TET2: variants seen among roughly 807,000 people sequenced by gnomAD.
TET2 encodes methylcytosine dioxygenase TET2.
Under a neutral mutation model 142.9 loss-of-function variants are expected in TET2, and 299 were observed. The observed-to-expected ratio is 2.09, with a 90% CI of 1.90 to 2.30. The LOEUF (loss-of-function observed/expected upper bound fraction) is 2.30. TET2 is among the 30% of genes most tolerant of loss of function. The probability of loss-of-function intolerance (pLI) is 0.00; values close to 1 mark genes in which losing one functional copy is unlikely to be tolerated. For missense variants in TET2, 2,418 were observed against 2,378.0 expected (o/e 1.02, Z -0.35); for synonymous variants, 819 against 849.0 (o/e 0.96, Z 0.61).
chr4:105,228,632 T>C (rs549543770), intron 2 of TET2, among the ~76,000 whole-genome samples: 1 of 152,250 alleles, frequency 6.6e-6, no homozygotes, highest in Non-Finnish European at 1.5e-5. Flanking sequence ...ATATAATTTA[T>C]CATAAATGTA....
At chr4:105,220,990 A>T (rs1271461902) in intron 2 of TET2, among the ~76,000 whole-genome samples, 1 of 152,200 alleles carries the variant, frequency 6.6e-6, no homozygotes, top group African/African-American at 2.4e-5. Flanking sequence ...ATATAAATGT[A>T]TCCTAGACAG....
intron 2 of TET2, among the ~76,000 whole-genome samples, chr4:105,221,487 A>G (rs1021805781): frequency 7.9e-5 from 12 of 152,154 alleles, no homozygotes; most frequent in Non-Finnish European, 1.3e-4. Context: ...ATTTTAAGAA[A>G]CAGATTTTAA....
intron 5 of TET2, 141 bp downstream of exon 5, chr4:105,243,068 T>A: frequency 1.4e-6 from 1 of 719,544 alleles, no homozygotes; most frequent in South Asian, 1.7e-5. Flanking sequence ...TCATGTGTTA[T>A]CTCTTAAGAA....
At position 105,272,909 on chromosome 4, in the gene TET2, C is replaced by T. The variant is rs923569270; in HGVS notation, c.4528C>T (p.Gln1510Ter). The T allele has an allele frequency of 2.6e-6, 4 of 1,527,324 alleles. No individual in the cohort carries two copies. Among genetic ancestry groups the T allele is most frequent in the Non-Finnish European group, 3.5e-6 (4 of 1,137,394 alleles). 94.6% of individuals were successfully genotyped at this position (1,527,324 alleles called of 1,614,324 possible). Reference protein sequence around the residue: ...KQTENASQAKQLAELLRLSGP... With the variant: ...KQTENASQAK ...AACTGAAAACGCAAGCCAGGCTAAACAGTTGGCAGGTAAATTTAATGTAAA... is the reference window on the plus strand; with the variant it reads ...AACTGAAAACGCAAGCCAGGCTAAATAGTTGGCAGGTAAATTTAATGTAAA... Residue 1510 changes from glutamine to a stop codon, truncating the protein, a stop_gained, in exon 10 of 11, where the codon CAG becomes TAG. Coordinates refer to ENST00000380013, the MANE Select transcript of TET2 (RefSeq NM_001127208.3). LOFTEE classifies it low-confidence loss of function (END_TRUNC).
In TET2 at chr4:105,188,467, GA is replaced by G. The variant is rs576999841; in HGVS notation, c.-192-1891del. On this transcript the variant is annotated intron_variant, in intron 1 of 10. Coordinates refer to ENST00000380013, the MANE Select transcript of TET2 (RefSeq NM_001127208.3). ...GGCAGTGATGGTTGCACAGCAATGT[GA>G]ATGTACTTAATGCCACAGAATAGTA... Among the ~76,000 whole-genome samples the G allele has an allele frequency of 6.7e-3, 1,018 of 152,288 alleles. 5 individuals are homozygous for G. Among genetic ancestry groups the G allele is most frequent in the Non-Finnish European group, 0.011 (747 of 68,010 alleles).
At chr4:105,274,772 G>T (rs2110310173) in intron 10 of TET2, among the ~76,000 whole-genome samples, 1 of 152,170 alleles carries the variant, frequency 6.6e-6, no homozygotes. Flanking sequence ...GCAGAGGCAT[G>T]TTCAGAAGTT....
At chr4:105,182,090 G>A (rs1415681702) in intron 1 of TET2, among the ~76,000 whole-genome samples, 1 of 151,334 alleles carries the variant, frequency 6.6e-6, no homozygotes, top group Non-Finnish European at 1.5e-5. Context: ...TTGTTCTCTG[G>A]CTACAACCAA....
chr4:105,250,295 A>G (rs1729797282), intron 6 of TET2, among the ~76,000 whole-genome samples: 1 of 151,576 alleles, frequency 6.6e-6, no homozygotes, highest in Non-Finnish European at 1.5e-5. Flanking sequence ...AAGACAGGTA[A>G]GTCTTCCAAC....
chr4:105,181,161 T>C (rs919976166), intron 1 of TET2, among the ~76,000 whole-genome samples: 3 of 152,236 alleles, frequency 2.0e-5, no homozygotes, highest in African/African-American at 7.2e-5. Flanking sequence ...CTATGCAGTC[T>C]ACCTTTCTCA....
At chr4:105,167,476 T>C (rs1724220599) in intron 1 of TET2, among the ~76,000 whole-genome samples, 1 of 152,044 alleles carries the variant, frequency 6.6e-6, no homozygotes, top group Non-Finnish European at 1.5e-5. Flanking sequence ...TATACACATG[T>C]AGTATATCTA....
intron 2 of TET2, among the ~76,000 whole-genome samples, chr4:105,220,697 G>A (rs1476234187): frequency 6.6e-6 from 1 of 152,164 alleles, no homozygotes; most frequent in African/African-American, 2.4e-5. Context: ...GACGCCCTCT[G>A]TGAGGCAGGC....
At chr4:105,153,173 TC>T (rs1265083430) in intron 1 of TET2, among the ~76,000 whole-genome samples, 1 of 152,128 alleles carries the variant, frequency 6.6e-6, no homozygotes, top group Non-Finnish European at 1.5e-5. Context: ...TTGCTCAATT[TC>T]CCCCAGTGGC....
intron 2 of TET2, among the ~76,000 whole-genome samples, chr4:105,229,716 A>G (rs1164773286): frequency 6.6e-6 from 1 of 150,454 alleles, no homozygotes; most frequent in African/African-American, 2.4e-5. Flanking sequence ...CAGCTGCCCC[A>G]TTCCTTTTCC....
chr4:105,267,752 T>C (rs1191230538), intron 8 of TET2, among the ~76,000 whole-genome samples: 1 of 151,708 alleles, frequency 6.6e-6, no homozygotes, highest in Non-Finnish European at 1.5e-5. Context: ...GAGCTTGTGA[T>C]ATTGAAAAAA....
intron 6 of TET2, among the ~76,000 whole-genome samples, chr4:105,255,544 TTC>T (rs1442002891): frequency 6.6e-6 from 1 of 152,220 alleles, no homozygotes. Context: ...CTTTTTAATC[TTC>T]TATCTACTTT....
intron 1 of TET2, among the ~76,000 whole-genome samples, chr4:105,183,083 G>A (rs1474981916): frequency 6.6e-6 from 1 of 152,084 alleles, no homozygotes; most frequent in African/African-American, 2.4e-5. Context: ...GCTATAGATT[G>A]GAAGCAGTTT....
At chr4:105,243,213 C>A (rs936198221) in intron 5 of TET2, among the ~76,000 whole-genome samples, 1 of 152,116 alleles carries the variant, frequency 6.6e-6, no homozygotes, top group Non-Finnish European at 1.5e-5. Context: ...CTTTTAAATA[C>A]CTTCAGTTAA....
rs959354409 is a variant in TET2, at chr4:105,195,272, AAG to A, written c.-47+4769_-47+4770del. Among the ~76,000 whole-genome samples, 136 of 152,190 alleles carry A rather than the reference AAG, an allele frequency of 8.9e-4. 1 individual carries two copies. The highest frequency in any genetic ancestry group is 3.2e-3 in the African/African-American group (133 of 41,452). On this transcript the variant is annotated intron_variant, in intron 2 of 10. Coordinates refer to ENST00000380013, the MANE Select transcript of TET2 (RefSeq NM_001127208.3). The stretch of plus-strand genomic sequence containing the variant: ...TTAGTGAAAACAGTTTGTATTCTGA[AAG>A]AAAATTGCAATGTAAATACAGGCAC...
At chr4:105,160,556 C>T (rs1163577493) in intron 1 of TET2, among the ~76,000 whole-genome samples, 1 of 152,120 alleles carries the variant, frequency 6.6e-6, no homozygotes, top group Non-Finnish European at 1.5e-5. Flanking sequence ...ATTAGATCAT[C>T]AAAGATGAAA....
Sources: allele counts gnomAD v4.1 joint callset (sites outside exome capture counted in the v4.1 genomes callset), GRCh38; gene constraint gnomAD v4.1.1; transcripts MANE v1.5; gene names NCBI Gene and HGNC (gene_info 2026-07-23, HGNC 2026-07-21).